The following RANBP17 variants were observed in gnomAD, a reference collection of about 807,000 sequenced individuals.
The protein encoded by RANBP17 is RAN binding protein 17.
RANBP17 carries 158 observed loss-of-function variants against 141.2 expected under a neutral mutation model. The ratio of observed to expected loss-of-function variants is 1.12; its 90% CI spans 0.98 to 1.28. RANBP17 has a LOEUF of 1.28. Ranked by LOEUF, RANBP17 falls within the 50% of genes most tolerant of loss-of-function variation. The pLI is 0.00. For synonymous variants in RANBP17, 430 were observed against 450.0 expected (o/e 0.96, Z 0.56); for missense variants, 1,438 against 1,290.7 (o/e 1.11, Z -1.75).
At chr5:170,949,527 T>TA (rs1199357267) in intron 12 of RANBP17, among the ~76,000 whole-genome samples, 2 of 152,122 alleles carry the variant, frequency 1.3e-5, no homozygotes, top group Non-Finnish European at 2.9e-5. Context: ...TATAATGAAA[T>TA]ACCTCCTCAC....
chr5:171,249,898 C>G (rs1227731871), intron 24 of RANBP17, among the ~76,000 whole-genome samples: 1 of 152,166 alleles, frequency 6.6e-6, no homozygotes, highest in East Asian at 1.9e-4. Flanking sequence ...CATTCACATA[C>G]AGGAAACTCA....
intron 18 of RANBP17, among the ~76,000 whole-genome samples, chr5:171,186,771 C>T (rs1019251207): frequency 1.3e-5 from 2 of 151,670 alleles, no homozygotes; most frequent in East Asian, 3.9e-4. Context: ...CTCCTGACCT[C>T]GTGATCCGCC....
chr5:171,022,657 A>G (rs753682854), intron 14 of RANBP17, among the ~76,000 whole-genome samples: 1 of 152,174 alleles, frequency 6.6e-6, no homozygotes. Flanking sequence ...GGAGGGGAAA[A>G]GTGCAGCCTG....
At chr5:171,099,487 T>G (rs1226682122) in intron 14 of RANBP17, among the ~76,000 whole-genome samples, 1 of 152,220 alleles carries the variant, frequency 6.6e-6, no homozygotes, top group East Asian at 1.9e-4. Flanking sequence ...GCTTTTTGGC[T>G]TAAGGAGATT....
chr5:170,879,579 G>A (rs535748602), intron 2 of RANBP17, among the ~76,000 whole-genome samples: 2 of 152,216 alleles, frequency 1.3e-5, no homozygotes, highest in South Asian at 2.1e-4. Flanking sequence ...CTGCATATAG[G>A]TTCTAAGCAC....
At chr5:171,208,893 G>C (rs952817195) in intron 20 of RANBP17, among the ~76,000 whole-genome samples, 2 of 152,196 alleles carry the variant, frequency 1.3e-5, no homozygotes, top group African/African-American at 2.4e-5. Context: ...CTCTACAGCT[G>C]TTGTTAGTTC....
intron 7 of RANBP17, among the ~76,000 whole-genome samples, chr5:170,913,585 C>G (rs1771705710): frequency 6.6e-6 from 1 of 151,992 alleles, no homozygotes. Context: ...GATTTAATCA[C>G]AAATTGTGAT....
At chr5:171,201,451 C>T (rs1306070348) in intron 19 of RANBP17, among the ~76,000 whole-genome samples, 1 of 152,238 alleles carries the variant, frequency 6.6e-6, no homozygotes, top group Non-Finnish European at 1.5e-5. Context: ...ATGCATGCAG[C>T]TGCCACGAAC....
chr5:170,926,665 A>G (rs1407507531), intron 12 of RANBP17, among the ~76,000 whole-genome samples: 1 of 151,220 alleles, frequency 6.6e-6, no homozygotes, highest in Non-Finnish European at 1.5e-5. Context: ...ATTCACAAAA[A>G]TTTTTTTGAA....
intron 24 of RANBP17, among the ~76,000 whole-genome samples, chr5:171,259,388 A>C (rs1766134447): frequency 4.6e-5 from 7 of 152,224 alleles, no homozygotes; most frequent in Admixed American, 4.6e-4. Context: ...AAAGAAAATA[A>C]GATAGTATAT....
chr5:171,259,939 C>T (rs1397972620), intron 24 of RANBP17, among the ~76,000 whole-genome samples: 2 of 151,766 alleles, frequency 1.3e-5, no homozygotes, highest in African/African-American at 4.8e-5. Flanking sequence ...CGAGATTGCG[C>T]CACTGCACTG....
chr5:171,067,962 T>G, intron 14 of RANBP17, among the ~76,000 whole-genome samples: 1 of 152,170 alleles, frequency 6.6e-6, no homozygotes, highest in East Asian at 1.9e-4. Flanking sequence ...ATTTCTTCTC[T>G]TCCTTACTGC....
intron 3 of RANBP17, among the ~76,000 whole-genome samples, chr5:170,889,064 T>C (rs1561858163): frequency 6.6e-6 from 1 of 151,950 alleles, no homozygotes; most frequent in Non-Finnish European, 1.5e-5. Context: ...TTTCTTTCTT[T>C]TTTTTTGTAG....
chr5:171,190,430 A>G (rs1761549197), intron 18 of RANBP17, among the ~76,000 whole-genome samples: 1 of 152,236 alleles, frequency 6.6e-6, no homozygotes, highest in African/African-American at 2.4e-5. Context: ...GCATTTCATC[A>G]TTAGAATAGT....
chr5:170,952,437 T>G (rs180670772), intron 12 of RANBP17, among the ~76,000 whole-genome samples: 2 of 152,066 alleles, frequency 1.3e-5, no homozygotes, highest in African/African-American at 4.8e-5. Context: ...CCAGGTTAGA[T>G]TTCTAATTTA....
chr5:170,938,240 C>T (rs1774048653), intron 12 of RANBP17, among the ~76,000 whole-genome samples: 1 of 152,142 alleles, frequency 6.6e-6, no homozygotes, highest in Admixed American at 6.5e-5. Flanking sequence ...CAACCTGAGA[C>T]TCTTGTATTA....
rs1221994768 is a variant in RANBP17, at chr5:170,962,567, A to G, written c.1575-5675A>G. Among the ~76,000 whole-genome samples, 6 of 152,328 alleles carry G rather than the reference A, an allele frequency of 3.9e-5. No individual in the cohort carries two copies. In the East Asian group the frequency reaches 9.6e-4, roughly 24 times the overall value. Reference sequence around the variant, plus strand: ...CACTTGGCTCCAGAGATGAAATTTGATGTATATATCTATTTATTTAACTAA... The same window carrying G: ...CACTTGGCTCCAGAGATGAAATTTGGTGTATATATCTATTTATTTAACTAA... On this transcript the variant is annotated intron_variant, in intron 13 of 27. Transcript: ENST00000523189.
chr5:170,914,108 A>G, intron 7 of RANBP17, 59 bp from the exon 8 acceptor site: 2 of 1,141,734 alleles, frequency 1.8e-6, no homozygotes, highest in Non-Finnish European at 2.6e-6. Flanking sequence ...ATATTGTCTT[A>G]CTTTGTTAAG....
At chr5:171,043,879 TAA>T (rs1039529593) in intron 14 of RANBP17, among the ~76,000 whole-genome samples, 6 of 152,160 alleles carry the variant, frequency 3.9e-5, no homozygotes, top group African/African-American at 1.4e-4. Context: ...ATTGGTGAGA[TAA>T]AACTAGCCAA....
Sources: gnomAD v4.1 joint callset for allele counts (sites outside exome capture counted in the v4.1 genomes callset) on GRCh38, gnomAD v4.1.1 for gene constraint, MANE v1.5 for transcripts, NCBI Gene and HGNC (gene_info 2026-07-23, HGNC 2026-07-21) for gene names.